Variants in SLIT1 observed in about 807,000 individuals in gnomAD.
The protein encoded by SLIT1 is slit guidance ligand 1.
In SLIT1, 66 loss-of-function variants were observed where a neutral mutation model predicts 186.1. The ratio of observed to expected loss-of-function variants is 0.35; its 90% CI spans 0.29 to 0.44. The LOEUF (loss-of-function observed/expected upper bound fraction) is 0.44. Among genes scored for constraint, SLIT1 ranks in the 20% least tolerant of loss-of-function variants. The probability of loss-of-function intolerance (pLI) is 1.00; values close to 1 mark genes in which losing one functional copy is unlikely to be tolerated. For missense variants in SLIT1, 1,638 were observed against 2,037.4 expected (o/e 0.80, Z 3.77); for synonymous variants, 761 against 833.8 (o/e 0.91, Z 1.50).
rs760951255 is a variant in SLIT1 at position 97,060,774 on chromosome 10, C to T, written c.807G>A (p.Ala269=). 1.0e-5 allele frequency: 16 copies of T among 1,604,682 alleles called. No individual in the cohort carries two copies. The highest frequency in any genetic ancestry group is 6.8e-5 in the Admixed American group (4 of 59,178). The change falls in exon 9 of 37, where the codon GCG becomes GCA. Residue 269 remains alanine (A), a synonymous_variant. Transcript: ENST00000266058. The part of the protein sequence containing the change: ...SEFSCSGQGE[A]GRVPTCTLSS... ...ACAGGGTGCAGGTGGGCACGCGCCC[C>T]GCTTCTCCCTGGCCTGCAGAAACAG... is the stretch of plus-strand genomic sequence containing the variant.
chr10:97,019,237 C>A, intron 26 of SLIT1, 130 bp from the exon 27 acceptor site: 3 of 642,832 alleles, frequency 4.7e-6, no homozygotes, highest in Non-Finnish European at 8.4e-6. Flanking sequence ...CCAGATCGTG[C>A]TCACACTCCC....
chr10:97,114,354 T>C (rs1408652363), intron 4 of SLIT1, among the ~76,000 whole-genome samples: 1 of 152,114 alleles, frequency 6.6e-6, no homozygotes, highest in Non-Finnish European at 1.5e-5. Flanking sequence ...GAAGTCTTCC[T>C]AGTAAGATCA....
chr10:97,163,460 G>A lies in SLIT1; in HGVS notation c.270-9C>T. ...GGTTCTCCATCAGCTGCCTGGGGAA[G>A]CAAAGAGACAAGGACAGCTACAGGG... is the stretch of plus-strand genomic sequence containing the variant. On this transcript the variant is annotated splice_polypyrimidine_tract_variant and intron_variant, in intron 2 of 36. Coordinates refer to ENST00000266058, the MANE Select transcript of SLIT1 (RefSeq NM_003061.3). 1.2e-6 allele frequency: 2 copies of A among 1,613,600 alleles called. No homozygotes were observed. The highest frequency in any genetic ancestry group is 1.7e-6 in the Non-Finnish European group (2 of 1,179,468).
rs1395675907 is a variant in SLIT1, at chr10:97,046,788, G to C, written c.1719C>G (p.Ser573Arg). 6.2e-7 allele frequency: 1 copy of C among 1,612,026 alleles called. No individual in the cohort carries two copies. The highest frequency in any genetic ancestry group is 8.5e-7 in the Non-Finnish European group (1 of 1,180,014). ...KLTHLKKINL[S>R]NNKVSEIEDG... ...CTTCAATTTCTGACACCTTGTTGTT[G>C]CTCAGATTGCTGGGAGAAGAGGCGG... The change falls in exon 18 of 37, where the codon AGC becomes AGG. Residue 573 changes from serine (S) to arginine (R), a missense_variant. This residue lies in a region of SLIT1 where 1,245 missense variants were observed against 1,535.3 expected (regional missense o/e 0.81). Transcript: ENST00000266058.
At chr10:97,173,286 C>T (rs1034067225) in intron 1 of SLIT1, among the ~76,000 whole-genome samples, 4 of 152,302 alleles carry the variant, frequency 2.6e-5, no homozygotes, top group Admixed American at 1.3e-4. Flanking sequence ...TGGGGCAGCA[C>T]GGGCCTGGCT....
intron 4 of SLIT1, among the ~76,000 whole-genome samples, chr10:97,092,388 G>C (rs1348137247): frequency 1.3e-5 from 2 of 152,258 alleles, no homozygotes; most frequent in Non-Finnish European, 2.9e-5. Flanking sequence ...GCCTGCTAAA[G>C]TGGGCCCAAG....
intron 4 of SLIT1, 179 bp downstream of exon 4, chr10:97,157,639 C>T (rs1849968725): frequency 3.1e-6 from 2 of 650,526 alleles, no homozygotes; most frequent in Non-Finnish European, 2.8e-6. Context: ...AAATACCCTG[C>T]ACAGCACCTT....
In SLIT1 at chr10:97,026,102, T is replaced by C. The variant is rs113992667; in HGVS notation, c.2582+4655A>G. ...TTTGATTTTAGTGTATTCCCTTCCATTTCCTGTGTATATGTTTGTACATCA... is the reference window on the plus strand; with the variant it reads ...TTTGATTTTAGTGTATTCCCTTCCACTTCCTGTGTATATGTTTGTACATCA... On this transcript the variant is annotated intron_variant, in intron 25 of 36. Transcript: ENST00000266058. Among the ~76,000 whole-genome samples the C allele has an allele frequency of 5.6e-4, 85 of 152,180 alleles. 1 individual carries two copies. Among genetic ancestry groups the C allele is most frequent in the African/African-American group, 2.0e-3 (84 of 41,426 alleles).
At chr10:97,181,073 T>C (rs922884346) in intron 1 of SLIT1, among the ~76,000 whole-genome samples, 1 of 152,118 alleles carries the variant, frequency 6.6e-6, no homozygotes, top group African/African-American at 2.4e-5. Flanking sequence ...GTCGTCCCGT[T>C]TTACAGATGG....
intron 13 of SLIT1, among the ~76,000 whole-genome samples, chr10:97,055,449 C>A (rs1234383664): frequency 6.6e-6 from 1 of 152,012 alleles, no homozygotes; most frequent in Non-Finnish European, 1.5e-5. Context: ...GTAGCCTGAA[C>A]CTCCTGGGCT....
At position 97,140,115 on chromosome 10, in the gene SLIT1, A is replaced by G. The variant is rs554770838; in HGVS notation, c.413+17703T>C. On this transcript the variant is annotated intron_variant, in intron 4 of 36. Coordinates refer to ENST00000266058, the MANE Select transcript of SLIT1 (RefSeq NM_003061.3). ...CCTGACCATGTTCCTGGGAGTGGGA[A>G]CATCTCTGGCTCTGACCATGGGGAG... Among the ~76,000 whole-genome samples the G allele has an allele frequency of 8.5e-5, 13 of 152,190 alleles. No individual in the cohort carries two copies. In the South Asian group the frequency reaches 2.7e-3, roughly 32 times the overall value.
chr10:97,011,936 C>T (rs1217106699), intron 30 of SLIT1, among the ~76,000 whole-genome samples: 1 of 152,182 alleles, frequency 6.6e-6, no homozygotes, highest in Admixed American at 6.5e-5. Context: ...ACTGAGCAGT[C>T]CCCTTGTCTG....
chr10:97,123,208 C>T (rs564756572), intron 4 of SLIT1, among the ~76,000 whole-genome samples: 6 of 152,332 alleles, frequency 3.9e-5, no homozygotes, highest in South Asian at 2.1e-4. Flanking sequence ...AGTCAATGCC[C>T]GGCCTTCCCT....
intron 13 of SLIT1, among the ~76,000 whole-genome samples, chr10:97,055,185 C>A (rs551603594): frequency 4.3e-4 from 66 of 152,086 alleles, no homozygotes; most frequent in Admixed American, 9.8e-4. Context: ...CCATTGCACT[C>A]CAGCCTAGGT....
At chr10:97,034,282 G>A (rs1428859567) in intron 23 of SLIT1, among the ~76,000 whole-genome samples, 189 bp downstream of exon 23, 1 of 152,106 alleles carries the variant, frequency 6.6e-6, no homozygotes, top group Non-Finnish European at 1.5e-5. Context: ...TTCCATATAT[G>A]CCATATGTTG....
At chr10:97,176,497 G>T (rs926949028) in intron 1 of SLIT1, among the ~76,000 whole-genome samples, 1 of 152,046 alleles carries the variant, frequency 6.6e-6, no homozygotes, top group Non-Finnish European at 1.5e-5. Flanking sequence ...TCCTGAGCCT[G>T]CTCCCCCTCA....
Position 97,043,061 on chromosome 10 carries a change from G to A in SLIT1, c.2004C>T (p.Leu668=). 6.2e-7 allele frequency: 1 copy of A among 1,613,802 alleles called. No individual in the cohort carries two copies. The highest frequency in any genetic ancestry group is 8.5e-7 in the Non-Finnish European group (1 of 1,179,790). The change falls in exon 20 of 37, where the codon CTC becomes CTT. Residue 668 remains leucine (L), a synonymous_variant. Coordinates refer to ENST00000266058, the MANE Select transcript of SLIT1 (RefSeq NM_003061.3). The surrounding 1 kb of genome is among the most constrained non-coding windows in gnomAD (Gnocchi z 7.0). ...AGTTGCAGTTGAAAGGGTTGGCCAG[G>A]AGATTCCTGGAAGAGGCAGGCCAGG... ...DTLQSLSTLN[L]LANPFNCNCQ...
chr10:97,014,764 G>A (rs1205657183), intron 28 of SLIT1, among the ~76,000 whole-genome samples: 2 of 152,072 alleles, frequency 1.3e-5, no homozygotes, highest in Non-Finnish European at 2.9e-5. Flanking sequence ...TACTCGGGAG[G>A]CTGAGGCAGG....
chr10:97,146,294 T>C (rs954657183), intron 4 of SLIT1, among the ~76,000 whole-genome samples: 3 of 152,200 alleles, frequency 2.0e-5, no homozygotes, highest in Non-Finnish European at 2.9e-5. Flanking sequence ...GGTCACGGCT[T>C]AAGGGAAGGG....
Sources: gnomAD v4.1 joint callset for allele counts (sites outside exome capture counted in the v4.1 genomes callset) on GRCh38, gnomAD v4.1.1 for gene constraint, gnomAD v4.1.1 regional missense constraint, Gnocchi (gnomAD v3.1) non-coding constraint, MANE v1.5 for transcripts, NCBI Gene and HGNC (gene_info 2026-07-23, HGNC 2026-07-21) for gene names.